Variants in ETF1 observed in about 807,000 individuals in gnomAD.
The protein encoded by ETF1 is eukaryotic translation termination factor 1, also known as eukaryotic peptide chain release factor subunit 1.
ETF1 carries 4 observed loss-of-function variants against 55.1 expected under a neutral mutation model. That is an observed-to-expected ratio of 0.07 (90% CI 0.04 to 0.17). The LOEUF (loss-of-function observed/expected upper bound fraction) is 0.17, where lower values mean the gene tolerates loss of function less well. Ranked by LOEUF, ETF1 falls within the 10% of genes least tolerant of loss-of-function variation. The pLI, the probability that ETF1 is intolerant of heterozygous loss-of-function variation, is 1.00. For missense variants in ETF1, 142 were observed against 523.6 expected (o/e 0.27, Z 7.11); for synonymous variants, 157 against 182.3 (o/e 0.86, Z 1.12).
intron 2 of ETF1, among the ~76,000 whole-genome samples, chr5:138,536,045 C>A (rs1352889091): frequency 6.6e-6 from 1 of 151,956 alleles, no homozygotes; most frequent in Non-Finnish European, 1.5e-5. Flanking sequence ...ATATTTCTTC[C>A]AAAATGTCTA....
chr5:138,533,086 C>T (rs1276341426), intron 2 of ETF1, among the ~76,000 whole-genome samples: 1 of 151,938 alleles, frequency 6.6e-6, no homozygotes, highest in African/African-American at 2.4e-5. Flanking sequence ...ATTACAGACA[C>T]GGACCACCAC....
intron 4 of ETF1, 94 bp downstream of exon 4, chr5:138,517,467 A>C: frequency 3.5e-6 from 2 of 571,234 alleles, no homozygotes; most frequent in Non-Finnish European, 5.9e-6. Flanking sequence ...GCCTAGAATG[A>C]GACAGGTAAG....
At chr5:138,523,108 C>A (rs1005124807) in intron 2 of ETF1, among the ~76,000 whole-genome samples, 9 of 152,196 alleles carry the variant, frequency 5.9e-5, no homozygotes, top group African/African-American at 1.9e-4. Flanking sequence ...GTGGCTCACG[C>A]CTGTAATCCC....
At chr5:138,512,485 C>T (rs1158052543) in intron 6 of ETF1, among the ~76,000 whole-genome samples, 5 of 151,688 alleles carry the variant, frequency 3.3e-5, no homozygotes, top group Admixed American at 3.3e-4. Context: ...TGAAATCAAA[C>T]TCCATTCTAC....
chr5:138,542,688 G>A, intron 2 of ETF1, 145 bp downstream of exon 2: 1 of 1,466,304 alleles, frequency 6.8e-7, no homozygotes, highest in Non-Finnish European at 9.0e-7. Flanking sequence ...CCTCGCCCCT[G>A]GGTCAGGGGC....
chr5:138,511,958 G>A (rs1003232491), intron 6 of ETF1: 11 of 884,128 alleles, frequency 1.2e-5, no homozygotes, highest in Non-Finnish European at 1.5e-5. Flanking sequence ...AGCACTTTGG[G>A]AAGCTAGGAG....
intron 2 of ETF1, among the ~76,000 whole-genome samples, chr5:138,532,331 C>T (rs1223314097): frequency 6.6e-6 from 1 of 152,176 alleles, no homozygotes; most frequent in Non-Finnish European, 1.5e-5. Flanking sequence ...GGCTCACGTC[C>T]AGCTCTATCA....
chr5:138,510,996 G>A (rs755096559), intron 8 of ETF1, 49 bp downstream of exon 8: 6 of 1,590,806 alleles, frequency 3.8e-6, no homozygotes, highest in Non-Finnish European at 5.1e-6. Flanking sequence ...TCCACCCCAG[G>A]CTTCCTGGCT....
At chr5:138,539,307 C>CACCT (rs1166730857) in intron 2 of ETF1, among the ~76,000 whole-genome samples, 2 of 152,170 alleles carry the variant, frequency 1.3e-5, no homozygotes, top group Non-Finnish European at 2.9e-5. Context: ...TTTCTGAGGC[C>CACCT]ACCTCTTGCC....
rs774062207 is a variant in ETF1 at position 138,518,656 on chromosome 5, T to C, written c.262+36A>G. On this transcript the variant is annotated intron_variant, in intron 3 of 10. Coordinates refer to ENST00000360541, the MANE Select transcript of ETF1 (RefSeq NM_004730.4). ...ATCACAGTATAAAACATAACCAAAA[T>C]GTGTAGAGAAGGAAAAGGAGCAAAC... 1.1e-5 allele frequency: 17 copies of C among 1,582,370 alleles called. No homozygotes were observed. The South Asian group carries it at 1.6e-4, about 15-fold the overall frequency.
At chr5:138,519,616 T>C (rs13169274) in intron 2 of ETF1, among the ~76,000 whole-genome samples, 65,974 of 150,386 alleles carry the variant, frequency 0.44, 16,086 homozygotes, top group Non-Finnish European at 0.53. Context: ...TGAGCCGAGA[T>C]CATGTCACTG....
At position 138,512,248 on chromosome 5, in the gene ETF1, ATATATATATATTTT is replaced by A. The variant is rs1461398003; in HGVS notation, c.732+502_732+515del. On this transcript the variant is annotated intron_variant, in intron 6 of 10. Coordinates refer to ENST00000360541, the MANE Select transcript of ETF1 (RefSeq NM_004730.4). ...AAAATATATATATATATATATATATATATATATATATTTTTTTTTTTTTTTAAAGGCAATTTCTT... is the reference window on the plus strand; with the variant it reads ...AAAATATATATATATATATATATATATTTTTTTTTTTAAAGGCAATTTCTT... Among the ~76,000 whole-genome samples, 23 of 11,858 alleles carry A rather than the reference ATATATATATATTTT, an allele frequency of 1.9e-3. 1 individual carries two copies. The highest frequency in any genetic ancestry group is 6.4e-3 in the African/African-American group (23 of 3,614). 7.8% of individuals were successfully genotyped at this position (11,858 alleles called of 152,430 possible).
In ETF1 at chr5:138,506,643, G is replaced by A. The variant is rs970330846; in HGVS notation, c.*1662C>T. On this transcript the variant is annotated 3_prime_UTR_variant, in exon 11 of 11. Transcript: ENST00000360541. ...TAATGGACTCTTCTCACAGGGGGTT[G>A]AGACATCAGGTTACACATTGACAGA... 3 of 152,674 alleles carry A rather than the reference G, an allele frequency of 2.0e-5. No individual in the cohort carries two copies. Among genetic ancestry groups the A allele is most frequent in the African/African-American group, 7.2e-5 (3 of 41,470 alleles). 9.5% of individuals were successfully genotyped at this position (152,674 alleles called of 1,614,324 possible). A position where few individuals can be genotyped will look rare whatever the true frequency, so the allele number is the denominator to read the frequency against.
rs957071843 is a variant in ETF1, at chr5:138,511,613, C to A, written c.733-9G>T. On this transcript the variant is annotated splice_polypyrimidine_tract_variant and intron_variant, in intron 6 of 10. Coordinates refer to ENST00000360541, the MANE Select transcript of ETF1 (RefSeq NM_004730.4). The stretch of plus-strand genomic sequence containing the variant: ...ACTTTTGATTGTAACCTCTAACACA[C>A]AAAAAAAATATTATTAGTACTTACT... 4.0e-5 allele frequency: 63 copies of A among 1,582,506 alleles called. 1 individual carries two copies. The South Asian group carries it at 5.7e-4, about 14-fold the overall frequency.
intron 4 of ETF1, among the ~76,000 whole-genome samples, chr5:138,514,278 G>A (rs1306320565): frequency 1.3e-5 from 2 of 152,162 alleles, no homozygotes; most frequent in African/African-American, 4.8e-5. Flanking sequence ...TCTAAGCTGG[G>A]TATGATGGCT....
In ETF1 at chr5:138,530,498, G is replaced by A. The variant is rs1324488769; in HGVS notation, c.87-11631C>T. 2.6e-5 allele frequency among the ~76,000 whole-genome samples: 4 copies of A among 152,030 alleles called. 1 individual carries two copies. The highest frequency in any genetic ancestry group is 3.4e-3 in the Middle Eastern group (1 of 294). On this transcript the variant is annotated intron_variant, in intron 2 of 10. Transcript: ENST00000360541. ...TTGCCATGTTGGCCAGGCTGGTCTC[G>A]AACCCCTGATCTCAAATTATCCACC...
chr5:138,542,960 G>A (rs368866628), intron 1 of ETF1, 24 bp from the exon 2 acceptor site: 89 of 1,607,704 alleles, frequency 5.5e-5, no homozygotes, highest in Non-Finnish European at 6.9e-5. Context: ...GCGGGGCCCG[G>A]AGACACCAAG....
intron 2 of ETF1, among the ~76,000 whole-genome samples, chr5:138,534,376 G>A (rs773380151): frequency 7.9e-5 from 12 of 152,174 alleles, no homozygotes; most frequent in Non-Finnish European, 1.2e-4. Flanking sequence ...CTTTGAAGCT[G>A]GAAAATTTCT....
intron 2 of ETF1, among the ~76,000 whole-genome samples, chr5:138,530,419 A>G (rs1442427696): frequency 6.6e-6 from 1 of 150,878 alleles, no homozygotes; most frequent in Non-Finnish European, 1.5e-5. Context: ...GCTGGGATAC[A>G]GGCGCCCACT....
Sources: gnomAD v4.1 joint callset for allele counts (sites outside exome capture counted in the v4.1 genomes callset) on GRCh38, gnomAD v4.1.1 for gene constraint, MANE v1.5 for transcripts, NCBI Gene and HGNC (gene_info 2026-07-23, HGNC 2026-07-21) for gene names.